The following METTL22 variants were observed in gnomAD, a reference collection of about 807,000 sequenced individuals.
METTL22 encodes methyltransferase 22, Kin17 lysine.
A neutral mutation model predicts 48.4 loss-of-function variants in METTL22; 51 were observed. That is an observed-to-expected ratio of 1.05 (90% CI 0.84 to 1.33). METTL22 has a LOEUF of 1.33. Among genes scored for constraint, METTL22 ranks in the 40% most tolerant of loss-of-function variants. The pLI, the probability that METTL22 is intolerant of heterozygous loss-of-function variation, is 0.00. For missense variants in METTL22, 678 were observed against 526.9 expected (o/e 1.29, Z -2.81); for synonymous variants, 255 against 214.1 (o/e 1.19, Z -1.67).
chr16:8,656,355 G>T, the METTL22 span, among the ~76,000 whole-genome samples: 1 of 152,144 alleles, frequency 6.6e-6, no homozygotes, highest in African/African-American at 2.4e-5. Context: ...CTTCCTAAAT[G>T]ATTTTATTTG....
chr16:8,665,288 G>C, the METTL22 span, among the ~76,000 whole-genome samples: 1 of 152,138 alleles, frequency 6.6e-6, no homozygotes, highest in Non-Finnish European at 1.5e-5. Context: ...ATGAGAGTGA[G>C]ACGCTCTCTC....
Position 8,646,340 on chromosome 16 carries a change from G to T in METTL22, c.*197G>T. On this transcript the variant is annotated 3_prime_UTR_variant, in exon 11 of 11. Coordinates refer to ENST00000381920, the MANE Select transcript of METTL22 (RefSeq NM_024109.4). ...GTAGCCAGAGAAGGTTGTTGCTGTG[G>T]GCTGGAGGTCACTTTAGTTGCCTGT... 5.3e-6 allele frequency: 4 copies of T among 750,884 alleles called. No homozygotes were observed. Among genetic ancestry groups the T allele is most frequent in the Non-Finnish European group, 7.0e-6 (3 of 429,488 alleles). The allele number at this position is 750,884 out of a possible 1,614,324, so 46.5% of individuals were successfully genotyped here.
chr16:8,635,422 T>C, intron 5 of METTL22, 110 bp downstream of exon 5: 1 of 1,342,776 alleles, frequency 7.4e-7, no homozygotes. Flanking sequence ...TAGCTGTTGT[T>C]GATTTTGCCA....
downstream of METTL22, among the ~76,000 whole-genome samples, chr16:8,650,284 A>G (rs1175508903): frequency 6.6e-6 from 1 of 152,232 alleles, no homozygotes; most frequent in East Asian, 1.9e-4. Context: ...TGATTGTGCC[A>G]CTGCACTACA....
At chr16:8,638,352 CA>C (rs2056487946) in intron 5 of METTL22, among the ~76,000 whole-genome samples, 1 of 152,130 alleles carries the variant, frequency 6.6e-6, no homozygotes, top group Non-Finnish European at 1.5e-5. Flanking sequence ...ATGTCATTAA[CA>C]AGACATCCTG....
At chr16:8,623,715 T>A (rs2141673057) in intron 1 of METTL22, 2 of 152,338 alleles carry the variant, frequency 1.3e-5, no homozygotes, top group South Asian at 4.1e-4. Flanking sequence ...TGGAGATGAA[T>A]AAGGAATCAT....
intron 1 of METTL22, among the ~76,000 whole-genome samples, chr16:8,623,350 T>C (rs972766578): frequency 4.0e-5 from 6 of 150,018 alleles, no homozygotes; most frequent in African/African-American, 1.5e-4. Context: ...AAAAAAGAAA[T>C]GGCATCCTTT....
chr16:8,662,556 A>T, the METTL22 span, among the ~76,000 whole-genome samples: 1 of 144,540 alleles, frequency 6.9e-6, no homozygotes, highest in Admixed American at 7.1e-5. Flanking sequence ...CTTCTAGACC[A>T]GGAAGGTGAC....
chr16:8,661,107 C>T, the METTL22 span, among the ~76,000 whole-genome samples: 2 of 152,142 alleles, frequency 1.3e-5, no homozygotes, highest in African/African-American at 2.4e-5. Flanking sequence ...TGCGTCCCTG[C>T]TGGCCCCTGG....
At position 8,629,064 on chromosome 16, in the gene METTL22, C is replaced by T. The variant is rs995832650; in HGVS notation, c.468C>T (p.Val156=). Residue 156 remains valine, a synonymous_variant, in exon 3 of 11, where the codon GTC becomes GTT. Transcript: ENST00000381920. ...PMILAQEEDD[V]LGEEAQGSPH... ...TTCTAGCACAGGAAGAAGACGACGT[C>T]CTGGGAGAGGAAGCACAAGGCAGCC... 1.9e-6 allele frequency: 3 copies of T among 1,613,884 alleles called. No individual in the cohort carries two copies. Among genetic ancestry groups the T allele is most frequent in the African/African-American group, 2.7e-5 (2 of 75,054 alleles).
chr16:8,646,027 G>GTCTAACTACTCTCCTTGCCTGCTCC, intron 10 of METTL22, 81 bp from the exon 11 acceptor site: 1 of 1,586,920 alleles, frequency 6.3e-7, no homozygotes, highest in South Asian at 1.1e-5. Flanking sequence ...TACTCTCCTT[G>GTCTAACTACTCTCCTTGCCTGCTCC]GTGAATCACT....
chr16:8,641,041 G>A (rs1008456235), intron 6 of METTL22, 90 bp from the exon 7 acceptor site: 16 of 1,249,118 alleles, frequency 1.3e-5, no homozygotes, highest in East Asian at 4.8e-5. Flanking sequence ...TGGGTGGATA[G>A]ATGGATCTTC....
intron 9 of METTL22, among the ~76,000 whole-genome samples, chr16:8,643,872 C>T (rs764969801): frequency 6.6e-6 from 1 of 152,156 alleles, no homozygotes; most frequent in Non-Finnish European, 1.5e-5. Context: ...CCTCGGCCTC[C>T]CACAGTACTG....
At chr16:8,643,279 C>G (rs1596365730) in intron 9 of METTL22, among the ~76,000 whole-genome samples, 1 of 152,330 alleles carries the variant, frequency 6.6e-6, no homozygotes, top group Non-Finnish European at 1.5e-5. Flanking sequence ...ATACCGAGGG[C>G]TTGCTTTGAG....
chr16:8,665,189 C>T, the METTL22 span, among the ~76,000 whole-genome samples: 1 of 152,112 alleles, frequency 6.6e-6, no homozygotes, highest in Admixed American at 6.5e-5. Context: ...ATCTGTAGAC[C>T]TAGCTGCTCA....
At position 8,641,133 on chromosome 16, in the gene METTL22, G is replaced by A. The variant is rs2056602446; in HGVS notation, c.775G>A (p.Gly259Ser). 1.9e-6 allele frequency: 3 copies of A among 1,613,818 alleles called. No individual in the cohort carries two copies. In the East Asian group the frequency reaches 6.7e-5, roughly 36 times the overall value. Residue 259 changes from glycine to serine, a missense_variant and splice_region_variant, in exon 7 of 11, where the codon GGT becomes AGT. Physicochemically the swap from Gly to Ser is moderately conservative, Grantham distance 56. Transcript: ENST00000381920. ...LNSHLAATGG[G>S]IVRVKELDWL... Reference sequence around the variant, plus strand: ...TCTCTTTTTGTTTGTTTTTACAGGTGGTATAGTTAGGGTCAAAGAACTGGA... The same window carrying A: ...TCTCTTTTTGTTTGTTTTTACAGGTAGTATAGTTAGGGTCAAAGAACTGGA...
At chr16:8,657,906 T>A in the METTL22 span, among the ~76,000 whole-genome samples, 1 of 151,254 alleles carries the variant, frequency 6.6e-6, no homozygotes, top group Non-Finnish European at 1.5e-5. Context: ...AGCCTCAACC[T>A]CCTGGACTCA....
intron 7 of METTL22, chr16:8,641,614 G>C (rs1177027753): frequency 5.0e-6 from 2 of 401,226 alleles, no homozygotes; most frequent in African/African-American, 4.2e-5. Flanking sequence ...TCAGACCTGG[G>C]TGCTTGCTCT....
chr16:8,631,483 G>A (rs2056260306), intron 3 of METTL22: 1 of 152,164 alleles, frequency 6.6e-6, no homozygotes, highest in Admixed American at 6.6e-5. Flanking sequence ...TCTGTACAAG[G>A]GGTACAACCT....
Sources: allele counts gnomAD v4.1 joint callset (sites outside exome capture counted in the v4.1 genomes callset), GRCh38; gene constraint gnomAD v4.1.1; transcripts MANE v1.5; gene names NCBI Gene and HGNC (gene_info 2026-07-23, HGNC 2026-07-21).